C16orf74: variants seen among roughly 807,000 people sequenced by gnomAD.
C16orf74 encodes the protein calcimembrin.
A neutral mutation model predicts 6.5 loss-of-function variants in C16orf74; 10 were observed. The ratio of observed to expected loss-of-function variants is 1.54; its 90% CI spans 0.95 to 2.61. The LOEUF (loss-of-function observed/expected upper bound fraction) is 2.61, where lower values mean the gene tolerates loss of function less well. Among genes scored for constraint, C16orf74 ranks in the 30% most tolerant of loss-of-function variants. The pLI is 0.00. For synonymous variants in C16orf74, 60 were observed against 42.5 expected (o/e 1.41, Z -1.60); for missense variants, 141 against 105.9 (o/e 1.33, Z -1.45).
chr16:85,717,277 G>A lies in C16orf74; in HGVS notation c.29-6970C>T, dbSNP rs895186385. Among the ~76,000 whole-genome samples the A allele has an allele frequency of 4.6e-5, 7 of 152,300 alleles. No individual in the cohort carries two copies. In the East Asian group the frequency reaches 9.7e-4, roughly 21 times the overall value. On this transcript the variant is annotated intron_variant, in intron 2 of 3. Coordinates refer to ENST00000284245, the MANE Select transcript of C16orf74 (RefSeq NM_206967.3). The stretch of plus-strand genomic sequence containing the variant: ...TAGCTCCAGGACAGCGGTTCCCATC[G>A]CGGCTGCCCATTGAGATCACCTGGG...
Position 85,746,356 on chromosome 16 carries a change from C to T in C16orf74, c.-19+4570G>A, listed in dbSNP as rs545447302. On this transcript the variant is annotated intron_variant, in intron 1 of 3. Transcript: ENST00000284245. ...CAAGGTGAGACTCGCCTCAAACAAA[C>T]AAACAAAAACAACAACAAAAACTTA... 6.6e-5 allele frequency among the ~76,000 whole-genome samples: 10 copies of T among 152,276 alleles called. 1 individual carries two copies. In the East Asian group the frequency reaches 1.9e-3, roughly 29 times the overall value.
chr16:85,745,139 T>TAAAAAAAAAAAAAA (rs10554549), intron 1 of C16orf74, among the ~76,000 whole-genome samples: 13 of 51,010 alleles, frequency 2.5e-4, no homozygotes, highest in African/African-American at 1.1e-3. Context: ...AAACTCTGTC[T>TAAAAAAAAAAAAAA]AAAAAAAAAA....
At chr16:85,717,473 G>A (rs1286969333) in intron 2 of C16orf74, among the ~76,000 whole-genome samples, 1 of 152,208 alleles carries the variant, frequency 6.6e-6, no homozygotes, top group African/African-American at 2.4e-5. Context: ...AGTTTCCCTG[G>A]CTGTAAAACT....
intron 2 of C16orf74, among the ~76,000 whole-genome samples, chr16:85,729,537 C>A (rs371980): frequency 0.27 from 41,717 of 152,198 alleles, 6,124 homozygotes; most frequent in Middle Eastern, 0.37. Flanking sequence ...CAGAGGTGAA[C>A]TGACTTAATG....
At chr16:85,740,091 T>C (rs1472488795) in intron 1 of C16orf74, among the ~76,000 whole-genome samples, 2 of 145,940 alleles carry the variant, frequency 1.4e-5, no homozygotes, top group Non-Finnish European at 3.0e-5. Flanking sequence ...GCACCCGTAA[T>C]CCCAGCTACT....
chr16:85,712,610 C>G (rs900750099), intron 2 of C16orf74, among the ~76,000 whole-genome samples: 19 of 152,162 alleles, frequency 1.2e-4, no homozygotes, highest in African/African-American at 4.3e-4. Context: ...CCATTCAGGC[C>G]AAATTCTTGG....
chr16:85,729,599 G>A (rs1048366805), intron 2 of C16orf74, among the ~76,000 whole-genome samples: 7 of 152,186 alleles, frequency 4.6e-5, no homozygotes, highest in Admixed American at 4.6e-4. Flanking sequence ...CTCAGAATAT[G>A]ACCTTATTTG....
intron 1 of C16orf74, among the ~76,000 whole-genome samples, chr16:85,749,655 C>T (rs927683305): frequency 6.6e-6 from 1 of 152,198 alleles, no homozygotes; most frequent in African/African-American, 2.4e-5. Flanking sequence ...AAACAGAAAA[C>T]GCAGGGTCTG....
chr16:85,710,447 C>T, intron 2 of C16orf74, 140 bp from the exon 3 acceptor site: 1 of 686,444 alleles, frequency 1.5e-6, no homozygotes, highest in Non-Finnish European at 2.2e-6. Context: ...GCGCAGCTGT[C>T]CCCGCATCAC....
intron 2 of C16orf74, among the ~76,000 whole-genome samples, chr16:85,723,624 C>T (rs1057200313): frequency 6.6e-6 from 1 of 152,206 alleles, no homozygotes; most frequent in Non-Finnish European, 1.5e-5. Flanking sequence ...CACCCTCCAA[C>T]CATCTAGAAT....
At chr16:85,708,539 C>T (rs917033476) in intron 3 of C16orf74, among the ~76,000 whole-genome samples, 2 of 152,212 alleles carry the variant, frequency 1.3e-5, no homozygotes, top group Non-Finnish European at 2.9e-5. Flanking sequence ...TGCTGTGTGT[C>T]CCTGGGCGAG....
chr16:85,722,681 C>T (rs137919608), intron 2 of C16orf74, among the ~76,000 whole-genome samples: 70 of 152,356 alleles, frequency 4.6e-4, no homozygotes, highest in African/African-American at 1.7e-3. Context: ...GCTTTGGGAC[C>T]CGGCCTATGT....
At chr16:85,747,553 G>A (rs2054388082) in intron 1 of C16orf74, among the ~76,000 whole-genome samples, 1 of 152,044 alleles carries the variant, frequency 6.6e-6, no homozygotes, top group Non-Finnish European at 1.5e-5. Flanking sequence ...GTGTCCTGGG[G>A]GGCTGAAGGT....
chr16:85,719,748 C>A (rs2054060542), intron 2 of C16orf74, among the ~76,000 whole-genome samples: 1 of 151,996 alleles, frequency 6.6e-6, no homozygotes, highest in Non-Finnish European at 1.5e-5. Flanking sequence ...ATTCCCGAGG[C>A]ACCCACAGCA....
chr16:85,733,719 T>C (rs1383167713), intron 2 of C16orf74, among the ~76,000 whole-genome samples: 1 of 152,092 alleles, frequency 6.6e-6, no homozygotes, highest in Non-Finnish European at 1.5e-5. Flanking sequence ...TCACAGATAC[T>C]CATTCAACAA....
intron 2 of C16orf74, among the ~76,000 whole-genome samples, chr16:85,729,119 A>T (rs529379624): frequency 1.3e-5 from 2 of 152,080 alleles, no homozygotes; most frequent in South Asian, 4.2e-4. Flanking sequence ...AACCAAGGAG[A>T]CGACTCCCCC....
intron 2 of C16orf74, among the ~76,000 whole-genome samples, chr16:85,714,920 G>A (rs1157615145): frequency 2.0e-5 from 3 of 151,410 alleles, no homozygotes; most frequent in Admixed American, 6.6e-5. Flanking sequence ...ACTTTGGGAG[G>A]CCGAGGCGGG....
rs377241227 is a variant in C16orf74 at position 85,724,870 on chromosome 16, G to A, written c.28+10320C>T. Among the ~76,000 whole-genome samples the A allele has an allele frequency of 6.6e-5, 10 of 152,282 alleles. No homozygotes were observed. In the East Asian group the frequency reaches 1.4e-3, roughly 21 times the overall value. On this transcript the variant is annotated intron_variant, in intron 2 of 3. Coordinates refer to ENST00000284245, the MANE Select transcript of C16orf74 (RefSeq NM_206967.3). The stretch of plus-strand genomic sequence containing the variant: ...AAGACAGCGTGGTTCCTGACCTCAC[G>A]GATCCAGGAGTGTGAGGAGGAGAAC...
At chr16:85,747,085 T>C (rs1443759860) in intron 1 of C16orf74, among the ~76,000 whole-genome samples, 1 of 152,158 alleles carries the variant, frequency 6.6e-6, no homozygotes, top group African/African-American at 2.4e-5. Context: ...AATCCCCACC[T>C]GCTTGGCCTC....
Sources: allele counts gnomAD v4.1 joint callset (sites outside exome capture counted in the v4.1 genomes callset), GRCh38; gene constraint gnomAD v4.1.1; transcripts MANE v1.5; gene names NCBI Gene and HGNC (gene_info 2026-07-23, HGNC 2026-07-21).